The following HDAC5 variants were observed in gnomAD, a reference collection of about 807,000 sequenced individuals.
HDAC5 encodes the protein antigen NY-CO-9.
Under a neutral mutation model 133.3 loss-of-function variants are expected in HDAC5, and 25 were observed. The ratio of observed to expected loss-of-function variants is 0.19; its 90% CI spans 0.14 to 0.26. HDAC5 has a LOEUF of 0.26. Among genes scored for constraint, HDAC5 ranks in the 10% least tolerant of loss-of-function variants. The pLI is 1.00. For missense variants in HDAC5, 1,041 were observed against 1,460.5 expected (o/e 0.71, Z 4.68); for synonymous variants, 589 against 610.8 (o/e 0.96, Z 0.53).
intron 3 of HDAC5, among the ~76,000 whole-genome samples, chr17:44,102,957 G>A (rs562920328): frequency 7.4e-4 from 112 of 152,088 alleles, no homozygotes; most frequent in Middle Eastern, 3.4e-3. Flanking sequence ...TTGAGCTACC[G>A]CCCCCGGCCC....
In HDAC5 at chr17:44,077,047, C is replaced by T. The variant is rs1320706624; in HGVS notation, c.*1329G>A. 1 of 152,978 alleles carries T rather than the reference C, an allele frequency of 6.5e-6. No homozygotes were observed. The highest frequency in any genetic ancestry group is 1.9e-4 in the East Asian group (1 of 5,190). 9.5% of individuals were successfully genotyped at this position (152,978 alleles called of 1,614,324 possible). ...CTGCCCCTCCCCTGGCTCCCTCAAT[C>T]CTGCTCAGGCCCCCATAGGATAATA... On this transcript the variant is annotated 3_prime_UTR_variant, in exon 27 of 27. Transcript: ENST00000682912.
intron 1 of HDAC5, among the ~76,000 whole-genome samples, chr17:44,118,321 T>C (rs188365265): frequency 6.6e-6 from 1 of 152,334 alleles, no homozygotes; most frequent in East Asian, 1.9e-4. Context: ...CTAGTACCCT[T>C]GGCCTGGCAG....
At chr17:44,084,453 C>T (rs1384309357) in intron 16 of HDAC5, 102 bp downstream of exon 16, 19 of 1,430,266 alleles carry the variant, frequency 1.3e-5, no homozygotes, top group African/African-American at 8.4e-5. Context: ...GCCCTATGCC[C>T]GTGGGGACAA....
chr17:44,093,583 G>A lies in HDAC5; in HGVS notation c.346C>T (p.His116Tyr), dbSNP rs1448062024. Residue 116 changes from histidine to tyrosine, a missense_variant, in exon 4 of 27, where the codon CAC (histidine) becomes TAC (tyrosine). This residue lies in a region of HDAC5 where 109 missense variants were observed against 168.0 expected (regional missense o/e 0.65). Coordinates refer to ENST00000682912, the MANE Select transcript of HDAC5 (RefSeq NM_005474.5). Reference sequence around the variant, plus strand: ...GCACCCCCCTCGCTCACCTTGAGGTGCTTCTGCAGCTGGACCTCATGCTGC... The same window carrying A: ...GCACCCCCCTCGCTCACCTTGAGGTACTTCTGCAGCTGGACCTCATGCTGC... ...TRQHEVQLQK[H>Y]LKQQQEMLAA... 10 of 1,607,626 alleles carry A rather than the reference G, an allele frequency of 6.2e-6. No homozygotes were observed. The highest frequency in any genetic ancestry group is 7.6e-6 in the Non-Finnish European group (9 of 1,176,596).
intron 14 of HDAC5, among the ~76,000 whole-genome samples, chr17:44,085,783 T>G (rs1347877761): frequency 6.6e-6 from 1 of 152,122 alleles, no homozygotes; most frequent in Non-Finnish European, 1.5e-5. Flanking sequence ...ATTACAGGCG[T>G]GAGCCACTGC....
chr17:44,092,102 G>C (rs751174520), intron 9 of HDAC5, 70 bp downstream of exon 9: 1 of 1,346,186 alleles, frequency 7.4e-7, no homozygotes. Context: ...ACTGGAAGGA[G>C]CTGCACTCTT....
chr17:44,092,333 C>T, intron 8 of HDAC5, 48 bp downstream of exon 8: 1 of 1,612,002 alleles, frequency 6.2e-7, no homozygotes, highest in Non-Finnish European at 8.5e-7. Context: ...CTACCCCCGA[C>T]CCCTGATTCC....
At chr17:44,083,478 C>A in intron 18 of HDAC5, 67 bp downstream of exon 18, 1 of 1,150,544 alleles carries the variant, frequency 8.7e-7, no homozygotes. Flanking sequence ...CCAAGGCTGC[C>A]CCTGTCCTCT....
chr17:44,083,667 A>C lies in HDAC5; in HGVS notation c.2356-15T>G. The C allele has an allele frequency of 1.9e-6, 3 of 1,606,570 alleles. No individual in the cohort carries two copies. In the South Asian group the frequency reaches 3.3e-5, roughly 18 times the overall value. On this transcript the variant is annotated splice_polypyrimidine_tract_variant and intron_variant, in intron 17 of 26. Transcript: ENST00000682912. Reference sequence around the variant, plus strand: ...TCACTGTCCACCTGCAGGGCAGGAGAGCAGGTTTCAGTGTGCCCCCTGCAG... The same window carrying C: ...TCACTGTCCACCTGCAGGGCAGGAGCGCAGGTTTCAGTGTGCCCCCTGCAG...
chr17:44,080,284 T>C, intron 22 of HDAC5, 59 bp from the exon 23 acceptor site: 1 of 1,561,812 alleles, frequency 6.4e-7, no homozygotes, highest in Non-Finnish European at 8.8e-7. Flanking sequence ...CTCGCCCCAC[T>C]GTTATCCTCC....
chr17:44,082,707 C>G, intron 19 of HDAC5, 35 bp from the exon 20 acceptor site: 1 of 1,611,434 alleles, frequency 6.2e-7, no homozygotes, highest in Non-Finnish European at 8.5e-7. Flanking sequence ...AGGTCAGCCT[C>G]AGCATGACGT....
At position 44,091,415 on chromosome 17, in the gene HDAC5, G is replaced by A. The variant is rs149049939; in HGVS notation, c.1242C>T (p.Thr414=). 74 of 1,560,472 alleles carry A rather than the reference G, an allele frequency of 4.7e-5. 1 individual carries two copies. Among genetic ancestry groups the A allele is most frequent in the East Asian group, 1.1e-4 (5 of 44,262 alleles). ...TAGAGGATGTGCTCATGAACTTGCC[G>A]GTCAGCGTGCCACCCTGCCGCAGGG... ...LQSLRQGGTL[T]GKFMSTSSIP... is the part of the protein sequence containing the mutation. Residue 414 remains threonine, a synonymous_variant, in exon 11 of 27, where the codon ACC becomes ACT. Transcript: ENST00000682912.
rs1403777234 is a variant in HDAC5 at position 44,117,732 on chromosome 17, G to A, written c.-189-28C>T. 3 of 607,856 alleles carry A rather than the reference G, an allele frequency of 4.9e-6. No homozygotes were observed. Among genetic ancestry groups the A allele is most frequent in the Admixed American group, 2.8e-5 (1 of 35,954 alleles). The allele number at this position is 607,856 out of a possible 1,614,324, so 37.7% of individuals were successfully genotyped here. Reference sequence around the variant, plus strand: ...GGGGAGAGATGGAGCAGGGTTAGAGGCCCCTAACTCAGGAATCTGAGAGTC... The same window carrying A: ...GGGGAGAGATGGAGCAGGGTTAGAGACCCCTAACTCAGGAATCTGAGAGTC... On this transcript the variant is annotated intron_variant, in intron 1 of 26. Transcript: ENST00000682912. The surrounding 1 kb of genome is among the most constrained non-coding windows in gnomAD (Gnocchi z 4.2).
intron 2 of HDAC5, among the ~76,000 whole-genome samples, chr17:44,112,416 C>T (rs1258009514): frequency 2.0e-5 from 3 of 152,096 alleles, no homozygotes; most frequent in Non-Finnish European, 4.4e-5. Flanking sequence ...CCCACTTGGC[C>T]CCCTGACCTC....
At chr17:44,113,041 G>A (rs908795566) in intron 2 of HDAC5, among the ~76,000 whole-genome samples, 1 of 152,222 alleles carries the variant, frequency 6.6e-6, no homozygotes, top group African/African-American at 2.4e-5. Context: ...AGATTCAAGG[G>A]AGCCCAGAAA....
intron 16 of HDAC5, among the ~76,000 whole-genome samples, 161 bp from the exon 17 acceptor site, chr17:44,084,015 T>G (rs573173355): frequency 6.6e-6 from 1 of 151,628 alleles, no homozygotes; most frequent in Non-Finnish European, 1.5e-5. Flanking sequence ...ACCCAGCTAC[T>G]CAATAGGCTC....
Position 44,117,435 on chromosome 17 carries a change from A to G in HDAC5, c.22+59T>C. ...CAGCTGGCCTGGAAGGGAAACCCAC[A>G]CAGCCCATTGCATCCGAAGCTACCC... On this transcript the variant is annotated intron_variant, in intron 2 of 26. Coordinates refer to ENST00000682912, the MANE Select transcript of HDAC5 (RefSeq NM_005474.5). This position sits in a 1 kb window ranked among gnomAD's most constrained non-coding sequence, Gnocchi z 4.2. The G allele has an allele frequency of 6.3e-7, 1 of 1,581,942 alleles. No individual in the cohort carries two copies. Among genetic ancestry groups the G allele is most frequent in the Non-Finnish European group, 8.7e-7 (1 of 1,150,822 alleles).
Position 44,085,112 on chromosome 17 carries a change from G to A in HDAC5, c.2094C>T (p.Cys698=), listed in dbSNP as rs1301753441. The A allele has an allele frequency of 3.1e-6, 5 of 1,603,878 alleles. No homozygotes were observed. The highest frequency in any genetic ancestry group is 3.4e-6 in the Non-Finnish European group (4 of 1,171,570). ...DTFMLKHQCM[C]GNTHVHPEHA... ...GCTCAGGGTGCACGTGTGTGTTCCC[G>A]CACATGCACTGGTGCTTTAGCATGA... The change falls in exon 15 of 27, where the codon TGC becomes TGT. Residue 698 remains cysteine (C), a synonymous_variant. Coordinates refer to ENST00000682912, the MANE Select transcript of HDAC5 (RefSeq NM_005474.5).
intron 24 of HDAC5, 70 bp from the exon 25 acceptor site, chr17:44,078,949 C>G (rs562495951): frequency 1.3e-6 from 2 of 1,545,458 alleles, no homozygotes; most frequent in South Asian, 2.2e-5. Context: ...CTAACTGCCC[C>G]ACTCAGCCCC....
Sources: gnomAD v4.1 joint callset for allele counts (sites outside exome capture counted in the v4.1 genomes callset) on GRCh38, gnomAD v4.1.1 for gene constraint, gnomAD v4.1.1 regional missense constraint, Gnocchi (gnomAD v3.1) non-coding constraint, MANE v1.5 for transcripts, NCBI Gene and HGNC (gene_info 2026-07-23, HGNC 2026-07-21) for gene names.